Variants in PAXIP1 observed in about 807,000 individuals in gnomAD.
PAXIP1 encodes PAX interacting protein 1, also known as PAX-interacting protein 1.
PAXIP1 carries 19 observed loss-of-function variants against 140.6 expected under a neutral mutation model. That is an observed-to-expected ratio of 0.14 (90% CI 0.09 to 0.20). The LOEUF (loss-of-function observed/expected upper bound fraction) is 0.20, where lower values mean the gene tolerates loss of function less well. PAXIP1 is among the 10% of genes least tolerant of loss of function. The pLI is 1.00. For missense variants in PAXIP1, 920 were observed against 1,208.6 expected, an observed-to-expected ratio of 0.76 and a Z score of 3.54; for synonymous variants, 442 against 444.6, an observed-to-expected ratio of 0.99 and a Z score of 0.07.
chr7:154,973,041 G>A lies in PAXIP1; in HGVS notation c.1074+2655C>T, dbSNP rs573576502. ...ACGCGGATGTGCAGGGACCAGGGCCGGCACCCTCAGCATTGGGCGGTGCTG... is the reference window on the plus strand; with the variant it reads ...ACGCGGATGTGCAGGGACCAGGGCCAGCACCCTCAGCATTGGGCGGTGCTG... On this transcript the variant is annotated intron_variant, in intron 6 of 20. Transcript: ENST00000404141. This position sits in a 1 kb window ranked among gnomAD's most constrained non-coding sequence, Gnocchi z 4.0. Among the ~76,000 whole-genome samples the A allele has an allele frequency of 2.0e-5, 3 of 152,312 alleles. No homozygotes were observed. The highest frequency in any genetic ancestry group is 2.1e-4 in the South Asian group (1 of 4,824).
At chr7:154,992,279 T>C (rs1324708465) in intron 3 of PAXIP1, among the ~76,000 whole-genome samples, 3 of 152,140 alleles carry the variant, frequency 2.0e-5, no homozygotes, top group Non-Finnish European at 2.9e-5. Flanking sequence ...CTGGGCGCGG[T>C]GGCTCATGCC....
chr7:154,998,195 C>G (rs1221042846), intron 2 of PAXIP1, among the ~76,000 whole-genome samples: 3 of 152,214 alleles, frequency 2.0e-5, no homozygotes, highest in Admixed American at 6.5e-5. Flanking sequence ...CCACAGTTAT[C>G]TGGCAACTTT....
At chr7:155,002,387 G>A (rs917703161) in intron 1 of PAXIP1, among the ~76,000 whole-genome samples, 3 of 152,188 alleles carry the variant, frequency 2.0e-5, no homozygotes, top group South Asian at 2.1e-4. Flanking sequence ...GACCCCCGCC[G>A]GCCGAGCGAG....
chr7:154,975,936 T>C lies in PAXIP1; in HGVS notation c.834A>G (p.Lys278=). ...GCTCCTTTCCCTGAGGCAGCCTGCG[T>C]TTTGCTGCAGCTAACTGTGGGACTT... is the stretch of plus-strand genomic sequence containing the variant. ...PAEVPQLAAA[K]RRLPQGKEPG... Residue 278 remains lysine (K), a synonymous_variant, in exon 6 of 21, where the codon AAA becomes AAG. Coordinates refer to ENST00000404141, the MANE Select transcript of PAXIP1 (RefSeq NM_007349.4). The C allele has an allele frequency of 6.2e-7, 1 of 1,613,944 alleles. No homozygotes were observed. Among genetic ancestry groups the C allele is most frequent in the Non-Finnish European group, 8.5e-7 (1 of 1,179,864 alleles).
rs145295608 is a variant in PAXIP1, at chr7:154,958,621, G to C, written c.2478+1269C>G. Among the ~76,000 whole-genome samples the C allele has an allele frequency of 1.6e-4, 24 of 152,252 alleles. No homozygotes were observed. In the East Asian group the frequency reaches 3.9e-3, roughly 25 times the overall value. On this transcript the variant is annotated intron_variant, in intron 13 of 20. Coordinates refer to ENST00000404141, the MANE Select transcript of PAXIP1 (RefSeq NM_007349.4). ...CTCTATTTCCAAAGATCGCATTTAA[G>C]TCTCCAAATTGTCATTCATTGGTAC...
At chr7:154,970,322 T>TTTCAG (rs1256780872) in intron 6 of PAXIP1, among the ~76,000 whole-genome samples, 1 of 152,224 alleles carries the variant, frequency 6.6e-6, no homozygotes, top group Non-Finnish European at 1.5e-5. Context: ...AACATGTATC[T>TTTCAG]TTCACTTAAA....
At chr7:154,990,932 T>A in intron 4 of PAXIP1, 74 bp downstream of exon 4, 1 of 827,484 alleles carries the variant, frequency 1.2e-6, no homozygotes, top group South Asian at 1.7e-5. Context: ...GGTTAACAGG[T>A]CATAAATCCA....
intron 7 of PAXIP1, 139 bp from the exon 8 acceptor site, chr7:154,968,049 T>C (rs942376527): frequency 6.5e-5 from 40 of 617,594 alleles, no homozygotes; most frequent in Admixed American, 4.2e-4. Context: ...GTAATCAGAG[T>C]GCATAGGGAA....
chr7:154,983,548 T>C, intron 4 of PAXIP1: 1 of 368,314 alleles, frequency 2.7e-6, no homozygotes, highest in Non-Finnish European at 4.8e-6. Context: ...GAATTACTTA[T>C]TTTTGCCTTG....
intron 12 of PAXIP1, among the ~76,000 whole-genome samples, 159 bp downstream of exon 12, chr7:154,960,734 G>C (rs1808722436): frequency 6.6e-6 from 1 of 152,048 alleles, no homozygotes; most frequent in Non-Finnish European, 1.5e-5. Flanking sequence ...GCAGAGTGGG[G>C]AGAAAGAAGA....
chr7:154,995,099 AG>A (rs1337057587), intron 2 of PAXIP1, among the ~76,000 whole-genome samples: 1 of 152,200 alleles, frequency 6.6e-6, no homozygotes, highest in Non-Finnish European at 1.5e-5. Context: ...CTGAGCACTA[AG>A]GGAACAGTCC....
At chr7:154,995,141 T>C (rs1052242661) in intron 2 of PAXIP1, among the ~76,000 whole-genome samples, 1 of 152,176 alleles carries the variant, frequency 6.6e-6, no homozygotes, top group African/African-American at 2.4e-5. Flanking sequence ...TGTCCTTTTG[T>C]CTGCTGTCCA....
chr7:154,992,624 A>C lies in PAXIP1; in HGVS notation c.260+1102T>G, dbSNP rs552684947. ...AAAAAAAAAAGATCTCAGCTTCTTA[A>C]GGAGTCTTGTACAGAGAATAAATGA... On this transcript the variant is annotated intron_variant, in intron 3 of 20. Transcript: ENST00000404141. Among the ~76,000 whole-genome samples the C allele has an allele frequency of 2.2e-3, 340 of 152,212 alleles. 1 individual carries two copies. Among genetic ancestry groups the C allele is most frequent in the African/African-American group, 7.5e-3 (311 of 41,546 alleles).
At chr7:154,966,435 G>A (rs966314475) in intron 8 of PAXIP1, among the ~76,000 whole-genome samples, 2 of 152,132 alleles carry the variant, frequency 1.3e-5, no homozygotes, top group African/African-American at 4.8e-5. Flanking sequence ...CAGTTGCAAA[G>A]CTATTTTCTT....
chr7:154,991,823 T>C (rs1369240382), intron 3 of PAXIP1, among the ~76,000 whole-genome samples: 1 of 152,152 alleles, frequency 6.6e-6, no homozygotes, highest in Non-Finnish European at 1.5e-5. Context: ...GAATTCAAAA[T>C]GGGTTAAAGT....
intron 1 of PAXIP1, among the ~76,000 whole-genome samples, 187 bp downstream of exon 1, chr7:155,002,662 G>A (rs900632814): frequency 4.6e-5 from 7 of 151,470 alleles, no homozygotes; most frequent in Admixed American, 3.9e-4. Flanking sequence ...GCACTCCCCC[G>A]GGCCCGGGCC....
intron 6 of PAXIP1, among the ~76,000 whole-genome samples, chr7:154,970,805 G>A (rs1403550269): frequency 6.6e-6 from 1 of 152,208 alleles, no homozygotes; most frequent in Non-Finnish European, 1.5e-5. Flanking sequence ...GGGGTGGGAG[G>A]GGGGCTGAGA....
At position 154,993,773 on chromosome 7, in the gene PAXIP1, AAAAAG is replaced by A; in HGVS notation, c.217-9_217-5del. Reference sequence around the variant, plus strand: ...CGGACAGAATCACCCAAGAAGGCTGAAAAAGAAAAGATTAAATCAAAAAGTATTCT... The same window carrying A: ...CGGACAGAATCACCCAAGAAGGCTGAAAAAGATTAAATCAAAAAGTATTCT... On this transcript the variant is annotated splice_region_variant and splice_polypyrimidine_tract_variant and intron_variant, in intron 2 of 20. Transcript: ENST00000404141. 1 of 1,578,918 alleles carries A rather than the reference AAAAAG, an allele frequency of 6.3e-7. No individual in the cohort carries two copies.
chr7:154,993,901 T>C, intron 2 of PAXIP1, 132 bp from the exon 3 acceptor site: 2 of 645,170 alleles, frequency 3.1e-6, no homozygotes, highest in East Asian at 5.7e-5. Flanking sequence ...CAAGTATGAA[T>C]ATTCAAATAG....
Sources: gnomAD v4.1 joint callset for allele counts (sites outside exome capture counted in the v4.1 genomes callset) on GRCh38, gnomAD v4.1.1 for gene constraint, Gnocchi (gnomAD v3.1) non-coding constraint, MANE v1.5 for transcripts, NCBI Gene and HGNC (gene_info 2026-07-23, HGNC 2026-07-21) for gene names.